The following EFCAB3 variants were observed in gnomAD, a reference collection of about 807,000 sequenced individuals.
The protein encoded by EFCAB3 is EF-hand calcium-binding domain-containing protein 3.
EFCAB3 carries 36 observed loss-of-function variants against 42.2 expected under a neutral mutation model. The ratio of observed to expected loss-of-function variants is 0.85; its 90% CI spans 0.65 to 1.13. EFCAB3 has a LOEUF of 1.13. Ranked by LOEUF, EFCAB3 falls within the 50% of genes most tolerant of loss-of-function variation. The probability of loss-of-function intolerance (pLI) is 0.00; values close to 1 mark genes in which losing one functional copy is unlikely to be tolerated. For synonymous variants in EFCAB3, 170 were observed against 172.8 expected (o/e 0.98, Z 0.13); for missense variants, 418 against 505.1 (o/e 0.83, Z 1.65).
At chr17:62,388,690 G>A (rs2070276914) in intron 3 of EFCAB3, among the ~76,000 whole-genome samples, 1 of 152,144 alleles carries the variant, frequency 6.6e-6, no homozygotes, top group Non-Finnish European at 1.5e-5. Flanking sequence ...ACTAGAAAAT[G>A]TGTTCTTTAC....
chr17:62,407,961 G>C (rs2070462781), intron 8 of EFCAB3, among the ~76,000 whole-genome samples: 1 of 152,036 alleles, frequency 6.6e-6, no homozygotes, highest in African/African-American at 2.4e-5. Context: ...GGCCCAGAGG[G>C]GTATCACTGT....
intron 1 of EFCAB3, among the ~76,000 whole-genome samples, chr17:62,372,878 A>G (rs537942944): frequency 4.7e-4 from 72 of 152,234 alleles, no homozygotes; most frequent in Admixed American, 7.8e-4. Context: ...CATGCTCCAA[A>G]CCAACTGAAC....
chr17:62,385,021 A>G (rs1380993914), intron 2 of EFCAB3, among the ~76,000 whole-genome samples: 1 of 152,230 alleles, frequency 6.6e-6, no homozygotes, highest in Non-Finnish European at 1.5e-5. Flanking sequence ...TAGGCAAATT[A>G]AATGCATTTT....
In EFCAB3 at chr17:62,390,422, G is replaced by A. The variant is rs114554883; in HGVS notation, c.152-1400G>A. 5.5e-3 allele frequency among the ~76,000 whole-genome samples: 835 copies of A among 152,240 alleles called. 14 individuals carry two copies. Among genetic ancestry groups the A allele is most frequent in the African/African-American group, 0.019 (806 of 41,556 alleles). ...GGTCAGGAAGTAGACATGGAGGTGG[G>A]AGTGTGTAGGAATTCTATTTCTCTT... On this transcript the variant is annotated intron_variant, in intron 3 of 9. Transcript: ENST00000305286.
intron 6 of EFCAB3, among the ~76,000 whole-genome samples, chr17:62,403,218 G>A (rs1430932106): frequency 1.3e-5 from 2 of 152,082 alleles, no homozygotes; most frequent in African/African-American, 2.4e-5. Flanking sequence ...AGCCAAAGGC[G>A]CAGCATAATC....
At chr17:62,384,139 G>A (rs1054670435) in intron 2 of EFCAB3, among the ~76,000 whole-genome samples, 3 of 152,164 alleles carry the variant, frequency 2.0e-5, no homozygotes, top group African/African-American at 7.2e-5. Context: ...CCTTGTCACT[G>A]AAAGTAGTTA....
chr17:62,397,006 G>A (rs1325360265), intron 6 of EFCAB3, among the ~76,000 whole-genome samples: 1 of 152,072 alleles, frequency 6.6e-6, no homozygotes, highest in African/African-American at 2.4e-5. Context: ...TGCAGCACAG[G>A]TCAGTTAAAT....
chr17:62,404,205 C>T (rs528565830), intron 6 of EFCAB3, among the ~76,000 whole-genome samples: 1 of 152,250 alleles, frequency 6.6e-6, no homozygotes, highest in South Asian at 2.1e-4. Context: ...CTATGCCAAT[C>T]AGGTGAGATT....
At chr17:62,414,929 C>T (rs2070531900) in intron 9 of EFCAB3, among the ~76,000 whole-genome samples, 1 of 151,906 alleles carries the variant, frequency 6.6e-6, no homozygotes. Context: ...CATGGTGAAA[C>T]CCCGTCTCTA....
chr17:62,377,749 A>G (rs1178837769), upstream of EFCAB3, among the ~76,000 whole-genome samples: 1 of 152,178 alleles, frequency 6.6e-6, no homozygotes, highest in South Asian at 2.1e-4. Flanking sequence ...CTTGATTTCA[A>G]TGCTGACACT....
At chr17:62,409,662 T>C (rs944802739) in intron 8 of EFCAB3, among the ~76,000 whole-genome samples, 2 of 151,514 alleles carry the variant, frequency 1.3e-5, no homozygotes, top group African/African-American at 4.9e-5. Context: ...TCCTGATTTT[T>C]TTCATAACAC....
intron 1 of EFCAB3, chr17:62,381,989 G>T: frequency 3.7e-6 from 1 of 268,878 alleles, no homozygotes; most frequent in South Asian, 4.4e-5. Context: ...GTCAGACGAT[G>T]ACATGGGATT....
At chr17:62,386,980 C>T (rs967887823) in intron 2 of EFCAB3, among the ~76,000 whole-genome samples, 1 of 152,008 alleles carries the variant, frequency 6.6e-6, no homozygotes, top group Non-Finnish European at 1.5e-5. Flanking sequence ...TTTGTAGAGA[C>T]AGGGTCTTGC....
Position 62,407,840 on chromosome 17 carries a change from A to T in EFCAB3, c.867+628A>T, listed in dbSNP as rs147399330. 3.2e-3 allele frequency among the ~76,000 whole-genome samples: 487 copies of T among 152,320 alleles called. 2 individuals carry two copies. The highest frequency in any genetic ancestry group is 0.011 in the African/African-American group (465 of 41,570). On this transcript the variant is annotated intron_variant, in intron 8 of 9. Transcript: ENST00000305286. ...CTCTAGGCCTAAGAAACAGAATGGA[A>T]ACTTAACTGGAGGCCAGCCCACCCT...
chr17:62,381,243 G>A (rs1375362098), intron 1 of EFCAB3, among the ~76,000 whole-genome samples: 2 of 147,462 alleles, frequency 1.4e-5, no homozygotes, highest in Non-Finnish European at 3.0e-5. Context: ...GTGAGAACAC[G>A]CGGTGTTCGG....
At chr17:62,415,869 G>A (rs902297146) in intron 9 of EFCAB3, 134 bp from the exon 10 acceptor site, 1 of 731,746 alleles carries the variant, frequency 1.4e-6, no homozygotes, top group Non-Finnish European at 2.2e-6. Flanking sequence ...GTCCTCACGA[G>A]GCACCACCTA....
intron 8 of EFCAB3, among the ~76,000 whole-genome samples, chr17:62,409,310 G>A (rs1213126732): frequency 1.3e-5 from 2 of 152,162 alleles, no homozygotes; most frequent in African/African-American, 4.8e-5. Flanking sequence ...ACCTGCCTCA[G>A]CCTCCCAAAG....
Position 62,386,016 on chromosome 17 carries a change from C to T in EFCAB3, c.75-1324C>T, listed in dbSNP as rs1432328826. On this transcript the variant is annotated intron_variant, in intron 2 of 9. Coordinates refer to ENST00000305286, the MANE Select transcript of EFCAB3 (RefSeq NM_173503.4). The stretch of plus-strand genomic sequence containing the variant: ...TGCAGGGATTACAGGCATGAGCCAC[C>T]GCACCCGGCCTAGTTTTACTTTTTA... Among the ~76,000 whole-genome samples, 6 of 151,984 alleles carry T rather than the reference C, an allele frequency of 3.9e-5. No individual in the cohort carries two copies. In the South Asian group the frequency reaches 8.3e-4, roughly 21 times the overall value.
chr17:62,392,699 G>A (rs574337875), intron 4 of EFCAB3, among the ~76,000 whole-genome samples: 7 of 151,772 alleles, frequency 4.6e-5, no homozygotes, highest in Non-Finnish European at 1.0e-4. Context: ...GTGCAGTGGC[G>A]CAATCTCAGC....
Sources: allele counts gnomAD v4.1 joint callset (sites outside exome capture counted in the v4.1 genomes callset), GRCh38; gene constraint gnomAD v4.1.1; transcripts MANE v1.5; gene names NCBI Gene and HGNC (gene_info 2026-07-23, HGNC 2026-07-21).